The following PALB2 variants were observed in gnomAD, a reference collection of about 807,000 sequenced individuals.
The protein encoded by PALB2 is mutant partner and localizer of BRCA2.
PALB2 carries 82 observed loss-of-function variants against 107.4 expected under a neutral mutation model. That is an observed-to-expected ratio of 0.76 (90% CI 0.64 to 0.92). The LOEUF is 0.92. Among genes scored for constraint, PALB2 ranks in the 40% least tolerant of loss-of-function variants. The pLI is 0.00. For missense variants in PALB2, 1,374 were observed against 1,379.9 expected (o/e 1.00, Z 0.07); for synonymous variants, 489 against 496.8 (o/e 0.98, Z 0.21).
In PALB2 at chr16:23,624,059, C is replaced by T. The variant is rs763411245; in HGVS notation, c.2784G>A (p.Val928=). ...PVLQIVPVPD[V]YNLVCVALGN... The stretch of plus-strand genomic sequence containing the variant: ...CCAAAGCTACACACACGAGATTATA[C>T]ACATCAGGCACTGGAACTATCTGTA... Residue 928 remains valine, a synonymous_variant, in exon 8 of 13, where the codon GTG becomes GTA. Transcript: ENST00000261584. The T allele has an allele frequency of 1.2e-6, 2 of 1,607,978 alleles. No homozygotes were observed. The highest frequency in any genetic ancestry group is 1.3e-5 in the African/African-American group (1 of 74,738).
intron 10 of PALB2, among the ~76,000 whole-genome samples, chr16:23,619,562 A>T (rs75381719): frequency 0.033 from 5,040 of 151,850 alleles, 114 homozygotes; most frequent in Middle Eastern, 0.082. Flanking sequence ...CGCCACACTT[A>T]TTTTTTGTAT....
At chr16:23,608,093 A>C (rs893550020) in intron 11 of PALB2, 81 bp from the exon 12 acceptor site, 2 of 1,465,086 alleles carry the variant, frequency 1.4e-6, no homozygotes, top group Non-Finnish European at 1.9e-6. Context: ...AGAGACAAAA[A>C]CCAAACAATT....
At chr16:23,606,788 G>A (rs1168976743) in intron 12 of PALB2, among the ~76,000 whole-genome samples, 1 of 149,256 alleles carries the variant, frequency 6.7e-6, no homozygotes, top group Non-Finnish European at 1.5e-5. Context: ...CTCCCAAAGT[G>A]CTGGGATTAC....
intron 10 of PALB2, among the ~76,000 whole-genome samples, 193 bp from the exon 11 acceptor site, chr16:23,614,284 A>G (rs1285118378): frequency 6.6e-6 from 1 of 152,178 alleles, no homozygotes; most frequent in Non-Finnish European, 1.5e-5. Context: ...TTCATTTGAT[A>G]GTTCAGCCTT....
At chr16:23,622,324 A>T (rs1391123681) in intron 9 of PALB2, among the ~76,000 whole-genome samples, 1 of 152,158 alleles carries the variant, frequency 6.6e-6, no homozygotes, top group Non-Finnish European at 1.5e-5. Flanking sequence ...AGCAATGGAC[A>T]CAAGTGTGTG....
chr16:23,623,978 A>G, intron 8 of PALB2, 31 bp downstream of exon 8: 2 of 1,480,200 alleles, frequency 1.4e-6, no homozygotes, highest in Non-Finnish European at 1.9e-6. Context: ...AAGATGAAGG[A>G]AAAACAAATC....
intron 11 of PALB2, among the ~76,000 whole-genome samples, chr16:23,612,223 T>G (rs962707229): frequency 6.6e-6 from 1 of 152,224 alleles, no homozygotes; most frequent in Non-Finnish European, 1.5e-5. Flanking sequence ...GCTTTTTATT[T>G]ATTTATTTAT....
chr16:23,625,770 C>G (rs983597019), intron 7 of PALB2, among the ~76,000 whole-genome samples: 7 of 152,050 alleles, frequency 4.6e-5, no homozygotes, highest in Non-Finnish European at 1.0e-4. Context: ...TGCACTCCAG[C>G]CTGGGTGACA....
At chr16:23,621,583 A>C in intron 9 of PALB2, 105 bp from the exon 10 acceptor site, 1 of 726,212 alleles carries the variant, frequency 1.4e-6, no homozygotes, top group Non-Finnish European at 2.5e-6. Context: ...ACCTAATATC[A>C]GGAAAAAAAA....
intron 11 of PALB2, 49 bp downstream of exon 11, chr16:23,613,955 A>G: frequency 1.4e-6 from 2 of 1,383,312 alleles, no homozygotes; most frequent in Non-Finnish European, 2.1e-6. Flanking sequence ...CTCTCACTTA[A>G]TGAGACCAAC....
chr16:23,613,366 G>A (rs574817353), intron 11 of PALB2, among the ~76,000 whole-genome samples: 1 of 152,202 alleles, frequency 6.6e-6, no homozygotes, highest in South Asian at 2.1e-4. Context: ...CATGTTAGCT[G>A]GGCACTGTGG....
chr16:23,633,258 A>G (rs1037249219), intron 4 of PALB2, among the ~76,000 whole-genome samples: 1 of 152,228 alleles, frequency 6.6e-6, no homozygotes, highest in African/African-American at 2.4e-5. Flanking sequence ...TCCATGTCCA[A>G]TGGTACAGAG....
chr16:23,638,491 C>T (rs539433231), intron 1 of PALB2: 1 of 462,042 alleles, frequency 2.2e-6, no homozygotes, highest in African/African-American at 2.0e-5. Flanking sequence ...CTCTGTTTCT[C>T]CCCATCATCC....
rs1168676309 is a variant in PALB2 at position 23,614,052 on chromosome 16, A to G, written c.3153T>C (p.Ile1051=). The G allele has an allele frequency of 1.9e-6, 3 of 1,613,640 alleles. No homozygotes were observed. The highest frequency in any genetic ancestry group is 2.5e-6 in the Non-Finnish European group (3 of 1,179,638). ...KTGQLLKKMH[I]DDSYQASVCH... Reference sequence around the variant, plus strand: ...AGACTGAAGCTTGGTAAGAATCATCAATGTGCATCTTTTTCAGGAGTTGAC... The same window carrying G: ...AGACTGAAGCTTGGTAAGAATCATCGATGTGCATCTTTTTCAGGAGTTGAC... The change falls in exon 11 of 13, where the codon ATT becomes ATC. Residue 1051 remains isoleucine (I), a synonymous_variant. Coordinates refer to ENST00000261584, the MANE Select transcript of PALB2 (RefSeq NM_024675.4).
At chr16:23,615,343 T>C (rs1384334746) in intron 10 of PALB2, among the ~76,000 whole-genome samples, 1 of 152,122 alleles carries the variant, frequency 6.6e-6, no homozygotes, top group Non-Finnish European at 1.5e-5. Context: ...CTCGCTCCAT[T>C]GCCCAAGCTG....
At chr16:23,607,785 A>T in intron 12 of PALB2, 79 bp downstream of exon 12, 7 of 1,512,884 alleles carry the variant, frequency 4.6e-6, no homozygotes, top group African/African-American at 1.4e-5. Flanking sequence ...TCTAAGTGAC[A>T]CAAAAATATC....
intron 3 of PALB2, among the ~76,000 whole-genome samples, chr16:23,636,791 C>A (rs1339613982): frequency 6.6e-6 from 1 of 152,140 alleles, no homozygotes; most frequent in Non-Finnish European, 1.5e-5. Context: ...GTATTTCTTT[C>A]TTTATTTTCC....
intron 11 of PALB2, among the ~76,000 whole-genome samples, chr16:23,609,279 C>G (rs1966540332): frequency 6.6e-6 from 1 of 152,096 alleles, no homozygotes; most frequent in South Asian, 2.1e-4. Flanking sequence ...TAAAATTTAG[C>G]TGGGTGCTGT....
At chr16:23,625,364 T>C (rs185220128) in intron 7 of PALB2, among the ~76,000 whole-genome samples, 3 of 150,948 alleles carry the variant, frequency 2.0e-5, no homozygotes, top group African/African-American at 7.3e-5. Context: ...AAAACCCATA[T>C]CTAGATAAAC....
Sources: gnomAD v4.1 joint callset for allele counts (sites outside exome capture counted in the v4.1 genomes callset) on GRCh38, gnomAD v4.1.1 for gene constraint, MANE v1.5 for transcripts, NCBI Gene and HGNC (gene_info 2026-07-23, HGNC 2026-07-21) for gene names.